The following GRM8 variants were observed in gnomAD, a reference collection of about 807,000 sequenced individuals.
The protein encoded by GRM8 is glutamate metabotropic receptor 8.
In GRM8, 47 loss-of-function variants were observed where a neutral mutation model predicts 87.2. The ratio of observed to expected loss-of-function variants is 0.54; its 90% CI spans 0.43 to 0.69. GRM8 has a LOEUF of 0.69. GRM8 is among the 30% of genes least tolerant of loss of function. GRM8 has a pLI of 0.00. For synonymous variants in GRM8, 396 were observed against 404.5 expected, an observed-to-expected ratio of 0.98 and a Z score of 0.25; for missense variants, 1,019 against 1,139.2, an observed-to-expected ratio of 0.89 and a Z score of 1.52.
rs1412309698 is a variant in GRM8, at chr7:127,006,709, T to C, written c.727+99787A>G. 2.0e-5 allele frequency among the ~76,000 whole-genome samples: 3 copies of C among 152,022 alleles called. No homozygotes were observed. In the East Asian group the frequency reaches 5.8e-4, roughly 29 times the overall value. The stretch of plus-strand genomic sequence containing the variant: ...CTCTGGCATTTTCTTTTTTCCTCAG[T>C]TTCCATTGCTGGATCCTCCTCTCAA... On this transcript the variant is annotated intron_variant, in intron 3 of 10. Coordinates refer to ENST00000339582, the MANE Select transcript of GRM8 (RefSeq NM_000845.3).
chr7:126,440,359 C>T lies in GRM8; in HGVS notation c.2678-1191G>A, dbSNP rs1332218408. 3.7e-5 allele frequency among the ~76,000 whole-genome samples: 5 copies of T among 136,152 alleles called. No individual in the cohort carries two copies. In the East Asian group the frequency reaches 6.7e-4, roughly 18 times the overall value. 89.3% of individuals were successfully genotyped at this position (136,152 alleles called of 152,430 possible). Reference sequence around the variant, plus strand: ...CCGAGAGGCAGAGGTTCCAGTGAGCCGAGATCGCGCCACTGCACACCAGCC... The same window carrying T: ...CCGAGAGGCAGAGGTTCCAGTGAGCTGAGATCGCGCCACTGCACACCAGCC... On this transcript the variant is annotated intron_variant, in intron 10 of 10. Transcript: ENST00000339582.
At chr7:126,469,765 A>T (rs10954115) in intron 9 of GRM8, among the ~76,000 whole-genome samples, 2 of 151,960 alleles carry the variant, frequency 1.3e-5, no homozygotes, top group South Asian at 2.1e-4. Flanking sequence ...CCTAGTCTCG[A>T]GTATGTCTTC....
intron 3 of GRM8, among the ~76,000 whole-genome samples, chr7:127,065,013 G>A (rs1288418884): frequency 6.6e-6 from 1 of 152,108 alleles, no homozygotes; most frequent in African/African-American, 2.4e-5. Context: ...TCCCATTACT[G>A]GGTATACACC....
chr7:127,135,617 CAAAAAAAAA>C (rs1168682673), intron 2 of GRM8, among the ~76,000 whole-genome samples: 1 of 36,850 alleles, frequency 2.7e-5, no homozygotes, highest in South Asian at 1.1e-3. Context: ...GACTCCGTCT[CAAAAAAAAA>C]AAAAAAAAAA....
intron 7 of GRM8, among the ~76,000 whole-genome samples, chr7:126,699,699 T>C (rs568046655): frequency 6.6e-6 from 1 of 152,300 alleles, no homozygotes. Context: ...CCATTTTCAG[T>C]GTCTGATGAA....
chr7:126,586,562 C>G lies in GRM8; in HGVS notation c.1494+22800G>C, dbSNP rs199785176. Among the ~76,000 whole-genome samples, 24 of 152,132 alleles carry G rather than the reference C, an allele frequency of 1.6e-4. No homozygotes were observed. In the East Asian group the frequency reaches 4.1e-3, roughly 26 times the overall value. On this transcript the variant is annotated intron_variant, in intron 8 of 10. Coordinates refer to ENST00000339582, the MANE Select transcript of GRM8 (RefSeq NM_000845.3). Reference sequence around the variant, plus strand: ...ACCATCTGATCTTTGACAAACCTGACAAAAACAAGAAATGGGGAAAGGATT... The same window carrying G: ...ACCATCTGATCTTTGACAAACCTGAGAAAAACAAGAAATGGGGAAAGGATT...
chr7:126,727,151 T>C (rs983622837), intron 7 of GRM8, among the ~76,000 whole-genome samples: 7 of 151,756 alleles, frequency 4.6e-5, no homozygotes, highest in African/African-American at 7.3e-5. Flanking sequence ...GTAAATGACA[T>C]AAATATAGAA....
chr7:127,086,036 C>T (rs1586957008), intron 3 of GRM8, among the ~76,000 whole-genome samples: 1 of 152,100 alleles, frequency 6.6e-6, no homozygotes, highest in East Asian at 1.9e-4. Context: ...ATCATAAAAT[C>T]GAAGTGAGGA....
intron 7 of GRM8, among the ~76,000 whole-genome samples, chr7:126,687,206 T>C (rs1341319136): frequency 2.6e-5 from 4 of 152,332 alleles, no homozygotes; most frequent in East Asian, 3.9e-4. Flanking sequence ...AAATCTCTCC[T>C]CTTGATAGCC....
chr7:126,901,269 C>T (rs2131191884), intron 6 of GRM8, among the ~76,000 whole-genome samples: 1 of 152,318 alleles, frequency 6.6e-6, no homozygotes, highest in East Asian at 1.9e-4. Flanking sequence ...AATGTCACCT[C>T]CTCTGGCGAG....
intron 9 of GRM8, among the ~76,000 whole-genome samples, chr7:126,486,814 TA>T (rs1807428076): frequency 2.6e-5 from 4 of 152,096 alleles, no homozygotes; most frequent in Admixed American, 2.6e-4. Context: ...TATGACTCAA[TA>T]AAGAGATCTT....
At chr7:126,602,616 T>A (rs1280034274) in intron 8 of GRM8, among the ~76,000 whole-genome samples, 1 of 142,924 alleles carries the variant, frequency 7.0e-6, no homozygotes, top group Non-Finnish European at 1.6e-5. Flanking sequence ...CCTTGAGCAG[T>A]GGTTTGTAGT....
intron 6 of GRM8, among the ~76,000 whole-genome samples, chr7:126,868,098 A>G (rs1171845649): frequency 6.6e-6 from 1 of 152,204 alleles, no homozygotes; most frequent in Non-Finnish European, 1.5e-5. Context: ...GAGTGCTCTC[A>G]GGCACAGGGC....
At chr7:126,742,146 G>GA (rs1345736895) in intron 7 of GRM8, among the ~76,000 whole-genome samples, 5 of 151,770 alleles carry the variant, frequency 3.3e-5, no homozygotes, top group African/African-American at 7.3e-5. Flanking sequence ...CCATTTGGGT[G>GA]AAAAAAAATC....
At chr7:126,888,322 A>G (rs1466190994) in intron 6 of GRM8, among the ~76,000 whole-genome samples, 2 of 152,120 alleles carry the variant, frequency 1.3e-5, no homozygotes, top group Non-Finnish European at 2.9e-5. Flanking sequence ...GCGTGCTGCT[A>G]ATAAGCCTAT....
In GRM8 at chr7:126,817,936, C is replaced by G. The variant is rs73451291; in HGVS notation, c.1157-47871G>C. ...TTATTTTCCCAAACTATAGTAAATACCACAGCAAACAAAAATTTTTGCAAG... is the reference window on the plus strand; with the variant it reads ...TTATTTTCCCAAACTATAGTAAATAGCACAGCAAACAAAAATTTTTGCAAG... On this transcript the variant is annotated intron_variant, in intron 6 of 10. Coordinates refer to ENST00000339582, the MANE Select transcript of GRM8 (RefSeq NM_000845.3). 1.3e-3 allele frequency among the ~76,000 whole-genome samples: 196 copies of G among 152,034 alleles called. 1 individual carries two copies. The highest frequency in any genetic ancestry group is 4.3e-3 in the African/African-American group (180 of 41,466).
intron 6 of GRM8, among the ~76,000 whole-genome samples, chr7:126,830,645 T>G (rs954352971): frequency 2.6e-5 from 4 of 152,216 alleles, no homozygotes; most frequent in Non-Finnish European, 4.4e-5. Flanking sequence ...GCCTTTGGTT[T>G]GAATTTCCTC....
chr7:127,191,779 T>C (rs1019174354), intron 2 of GRM8, among the ~76,000 whole-genome samples: 10 of 152,216 alleles, frequency 6.6e-5, no homozygotes, highest in Non-Finnish European at 1.3e-4. Context: ...TCTGCTTAAT[T>C]CTGTCAGATA....
intron 3 of GRM8, among the ~76,000 whole-genome samples, chr7:127,041,075 G>T (rs894516337): frequency 6.6e-6 from 1 of 152,186 alleles, no homozygotes; most frequent in Admixed American, 6.5e-5. Context: ...ATAAATGAAA[G>T]TAGTTCCTTT....
Sources: gnomAD v4.1 joint callset for allele counts (sites outside exome capture counted in the v4.1 genomes callset) on GRCh38, gnomAD v4.1.1 for gene constraint, MANE v1.5 for transcripts, NCBI Gene and HGNC (gene_info 2026-07-23, HGNC 2026-07-21) for gene names.